Variants in DAAM2 observed in about 807,000 individuals in gnomAD.
DAAM2 encodes disheveled-associated activator of morphogenesis 2.
Under a neutral mutation model 120.7 loss-of-function variants are expected in DAAM2, and 39 were observed. The observed-to-expected ratio is 0.32, with a 90% CI of 0.25 to 0.42. DAAM2 has a LOEUF of 0.42. Ranked by LOEUF, DAAM2 falls within the 10% of genes least tolerant of loss-of-function variation. DAAM2 has a pLI of 1.00. For synonymous variants in DAAM2, 488 were observed against 524.9 expected (o/e 0.93, Z 0.96); for missense variants, 1,283 against 1,401.7 (o/e 0.92, Z 1.35).
At chr6:39,839,449 G>T (rs151270920) in intron 1 of DAAM2, among the ~76,000 whole-genome samples, 27 of 152,310 alleles carry the variant, frequency 1.8e-4, no homozygotes, top group Non-Finnish European at 3.4e-4. Context: ...GAAAAAACAG[G>T]AATTAAATTG....
At chr6:39,848,860 C>T (rs1763698300) in intron 1 of DAAM2, 1 of 152,160 alleles carries the variant, frequency 6.6e-6, no homozygotes, top group Non-Finnish European at 1.5e-5. Context: ...TAGGTTCATA[C>T]CTAGCGTCCT....
At chr6:39,874,203 G>A (rs1764778963) in intron 10 of DAAM2, among the ~76,000 whole-genome samples, 1 of 152,196 alleles carries the variant, frequency 6.6e-6, no homozygotes, top group Non-Finnish European at 1.5e-5. Flanking sequence ...GAGGCTCAGC[G>A]AGATATTTAC....
At chr6:39,873,114 C>G in intron 9 of DAAM2, 124 bp from the exon 10 acceptor site, 1 of 661,864 alleles carries the variant, frequency 1.5e-6, no homozygotes, top group Non-Finnish European at 2.7e-6. Context: ...AAGCCTGGGC[C>G]AGAGGCAGGG....
intron 14 of DAAM2, chr6:39,879,810 G>A: frequency 2.3e-6 from 1 of 440,122 alleles, no homozygotes; most frequent in East Asian, 4.9e-5. Flanking sequence ...AGGAAAGGAT[G>A]GAAAAATAAG....
In DAAM2 at chr6:39,867,668, C is replaced by G; in HGVS notation, c.587C>G (p.Ala196Gly). 2 of 1,614,048 alleles carry G rather than the reference C, an allele frequency of 1.2e-6. No individual in the cohort carries two copies. Among genetic ancestry groups the G allele is most frequent in the Admixed American group, 1.7e-5 (1 of 60,032 alleles). ...TCCCAGGGGCGGGCACATGTGCTGG[C>G]ACAGCCTGAGGCCATTAGTACCATA... ...NNSQGRAHVLAQPEAISTIAQ... is the reference protein window; with the variant it reads ...NNSQGRAHVLGQPEAISTIAQ... The change falls in exon 6 of 25, where the codon GCA becomes GGA. Residue 196 changes from alanine (A) to glycine (G), a missense_variant. Transcript: ENST00000274867.
chr6:39,843,403 C>T (rs1479092327), intron 1 of DAAM2, among the ~76,000 whole-genome samples: 2 of 152,052 alleles, frequency 1.3e-5, no homozygotes, highest in Non-Finnish European at 2.9e-5. Flanking sequence ...GGAAGCCACC[C>T]CAGATTAAAG....
At chr6:39,842,908 A>C (rs1278972176) in intron 1 of DAAM2, among the ~76,000 whole-genome samples, 2 of 151,992 alleles carry the variant, frequency 1.3e-5, no homozygotes, top group African/African-American at 4.8e-5. Flanking sequence ...GGAACGAGCA[A>C]GTCTATTCTT....
At chr6:39,846,216 C>T (rs184593786) in intron 1 of DAAM2, among the ~76,000 whole-genome samples, 196 of 152,178 alleles carry the variant, frequency 1.3e-3, no homozygotes, top group African/African-American at 4.5e-3. Flanking sequence ...ACGTACCCAG[C>T]CCCAAGAGCA....
In DAAM2 at chr6:39,802,529, ATGG is replaced by A. The variant is rs771698891; in HGVS notation, c.-57+10079_-57+10081del. ...AATGTTAGTGAGGATGAAGATGATG[ATGG>A]TGGTGGTGGTGGTGAAGATAGTAGA... On this transcript the variant is annotated intron_variant, in intron 1 of 24. Transcript: ENST00000274867. Among the ~76,000 whole-genome samples the A allele has an allele frequency of 2.0e-5, 3 of 152,276 alleles. No homozygotes were observed. The South Asian group carries it at 6.2e-4, about 32-fold the overall frequency.
chr6:39,815,678 A>ACACC (rs765826897), intron 1 of DAAM2, among the ~76,000 whole-genome samples: 3 of 126,146 alleles, frequency 2.4e-5, no homozygotes, highest in Non-Finnish European at 5.2e-5. Context: ...ACACACACAC[A>ACACC]CACACACCGT....
At chr6:39,874,612 C>A (rs1485272028) in intron 10 of DAAM2, among the ~76,000 whole-genome samples, 4 of 152,186 alleles carry the variant, frequency 2.6e-5, no homozygotes, top group Admixed American at 2.0e-4. Flanking sequence ...CAGGATTGAA[C>A]TTGTTGGCTT....
At chr6:39,871,028 G>T (rs1764639177) in intron 8 of DAAM2, among the ~76,000 whole-genome samples, 1 of 152,192 alleles carries the variant, frequency 6.6e-6, no homozygotes, top group Non-Finnish European at 1.5e-5. Context: ...GGAGAGATTA[G>T]TTTTGAGGGT....
intron 1 of DAAM2, among the ~76,000 whole-genome samples, chr6:39,794,138 A>T (rs942637533): frequency 1.3e-5 from 2 of 152,228 alleles, no homozygotes; most frequent in African/African-American, 4.8e-5. Flanking sequence ...CTGAAGTGTA[A>T]TGAAGGAGGA....
At chr6:39,805,296 G>A (rs566331043) in intron 1 of DAAM2, among the ~76,000 whole-genome samples, 21 of 152,082 alleles carry the variant, frequency 1.4e-4, no homozygotes, top group African/African-American at 5.1e-4. Context: ...CTGAGCCTCA[G>A]TTTCCTCATC....
At chr6:39,808,216 T>C (rs1468137482) in intron 1 of DAAM2, among the ~76,000 whole-genome samples, 1 of 152,084 alleles carries the variant, frequency 6.6e-6, no homozygotes, top group African/African-American at 2.4e-5. Context: ...ACCAACCTAA[T>C]AGAAACCAAA....
chr6:39,795,457 A>G (rs1761672284), intron 1 of DAAM2, among the ~76,000 whole-genome samples: 2 of 152,236 alleles, frequency 1.3e-5, no homozygotes, highest in Non-Finnish European at 2.9e-5. Context: ...AACCTGGGCT[A>G]CATGACTTAT....
chr6:39,834,031 A>G (rs1269482135), intron 1 of DAAM2, among the ~76,000 whole-genome samples: 1 of 152,112 alleles, frequency 6.6e-6, no homozygotes, highest in Non-Finnish European at 1.5e-5. Context: ...TAGAATCTAA[A>G]AATTCTGGAT....
Position 39,864,513 on chromosome 6 carries a change from T to C in DAAM2, c.333+6T>C, listed in dbSNP as rs770221147. On this transcript the variant is annotated splice_donor_region_variant and intron_variant, in intron 4 of 24. Coordinates refer to ENST00000274867, the MANE Select transcript of DAAM2 (RefSeq NM_001201427.2). ...GCATCAATTCCATGGCTGCGGTGAG[T>C]GGCTGCCCCTCTCCTGCCCTGCCCC... The C allele has an allele frequency of 1.2e-6, 2 of 1,606,226 alleles. No homozygotes were observed. Among genetic ancestry groups the C allele is most frequent in the South Asian group, 2.2e-5 (2 of 89,464 alleles).
chr6:39,852,054 A>C (rs1024243521), intron 1 of DAAM2, among the ~76,000 whole-genome samples: 1 of 152,168 alleles, frequency 6.6e-6, no homozygotes, highest in Non-Finnish European at 1.5e-5. Flanking sequence ...AACAGTCTTG[A>C]GGAGACCTTG....
Sources: allele counts gnomAD v4.1 joint callset (sites outside exome capture counted in the v4.1 genomes callset), GRCh38; gene constraint gnomAD v4.1.1; transcripts MANE v1.5; gene names NCBI Gene and HGNC (gene_info 2026-07-23, HGNC 2026-07-21).